Variants in EML4 observed in about 807,000 individuals in gnomAD.
EML4 encodes echinoderm microtubule-associated protein-like 4.
A neutral mutation model predicts 129.0 loss-of-function variants in EML4; 72 were observed. The observed-to-expected ratio is 0.56, with a 90% CI of 0.46 to 0.68. The LOEUF is 0.68. Among genes scored for constraint, EML4 ranks in the 30% least tolerant of loss-of-function variants. The probability of loss-of-function intolerance (pLI) is 0.00; values close to 1 mark genes in which losing one functional copy is unlikely to be tolerated. For synonymous variants in EML4, 532 were observed against 405.0 expected (o/e 1.31, Z -3.77); for missense variants, 1,363 against 1,190.6 (o/e 1.14, Z -2.13).
chr2:42,172,975 A>G (rs918721393), intron 1 of EML4, among the ~76,000 whole-genome samples: 6 of 152,250 alleles, frequency 3.9e-5, no homozygotes, highest in African/African-American at 1.4e-4. Context: ...TCAGCTTTAA[A>G]TTTTTCTGCC....
Position 42,331,019 on chromosome 2 carries a change from A to G in EML4, c.*812A>G. On this transcript the variant is annotated 3_prime_UTR_variant, in exon 23 of 23. Coordinates refer to ENST00000318522, the MANE Select transcript of EML4 (RefSeq NM_019063.5). ...AAACATTCTCAAATGTTTGAGATTC[A>G]AGTGAATGGAAGGAAAACCACATGC... 1 of 213,328 alleles carries G rather than the reference A, an allele frequency of 4.7e-6. No individual in the cohort carries two copies. The highest frequency in any genetic ancestry group is 9.5e-6 in the Non-Finnish European group (1 of 105,098). 13.2% of individuals were successfully genotyped at this position (213,328 alleles called of 1,614,324 possible).
intron 9 of EML4, among the ~76,000 whole-genome samples, chr2:42,285,215 T>A (rs886193284): frequency 5.3e-5 from 8 of 152,150 alleles, no homozygotes; most frequent in African/African-American, 1.7e-4. Flanking sequence ...CCCGGCTAAC[T>A]CTTGATTTTA....
rs889847473 is a variant in EML4 at position 42,330,331 on chromosome 2, G to C, written c.*124G>C. ...TGAGATTTTGGTTTCCATGTGATTTGTTTTCTTCAATAGTCTTATTTTCAG... is the reference window on the plus strand; with the variant it reads ...TGAGATTTTGGTTTCCATGTGATTTCTTTTCTTCAATAGTCTTATTTTCAG... On this transcript the variant is annotated 3_prime_UTR_variant, in exon 23 of 23. Transcript: ENST00000318522. 1.2e-6 allele frequency: 1 copy of C among 852,826 alleles called. No homozygotes were observed. The highest frequency in any genetic ancestry group is 2.6e-5 in the East Asian group (1 of 38,148). 52.8% of individuals were successfully genotyped at this position (852,826 alleles called of 1,614,324 possible). A position where few individuals can be genotyped will look rare whatever the true frequency, so the allele number is the denominator to read the frequency against.
chr2:42,306,581 C>A (rs895409024), intron 17 of EML4, among the ~76,000 whole-genome samples: 1 of 147,424 alleles, frequency 6.8e-6, no homozygotes, highest in African/African-American at 2.5e-5. Flanking sequence ...CAAGTTCCGC[C>A]TCCTGGGTTC....
chr2:42,267,534 A>G (rs1257662219), intron 6 of EML4, among the ~76,000 whole-genome samples: 2 of 152,206 alleles, frequency 1.3e-5, no homozygotes, highest in Admixed American at 6.5e-5. Context: ...TACATATGGT[A>G]CATTTAGGTG....
At chr2:42,283,633 T>C (rs1282425200) in intron 8 of EML4, among the ~76,000 whole-genome samples, 1 of 152,192 alleles carries the variant, frequency 6.6e-6, no homozygotes, top group Non-Finnish European at 1.5e-5. Context: ...CCTGTATCTT[T>C]ATCCAGAAAA....
chr2:42,305,575 A>AT (rs1668553015), intron 17 of EML4, among the ~76,000 whole-genome samples: 1 of 152,236 alleles, frequency 6.6e-6, no homozygotes, highest in East Asian at 1.9e-4. Context: ...ATTTTCTAAA[A>AT]TAATTTAAGA....
intron 6 of EML4, 82 bp downstream of exon 6, chr2:42,264,813 G>T: frequency 1.4e-6 from 2 of 1,388,444 alleles, no homozygotes; most frequent in Non-Finnish European, 2.0e-6. Context: ...TTTTCATCCA[G>T]TGCACTTTAT....
intron 2 of EML4, among the ~76,000 whole-genome samples, chr2:42,253,963 A>G (rs542560299): frequency 6.6e-6 from 1 of 152,366 alleles, no homozygotes; most frequent in East Asian, 1.9e-4. Flanking sequence ...AACTGTTTTG[A>G]AAATAAAAGG....
intron 11 of EML4, among the ~76,000 whole-genome samples, chr2:42,293,022 C>G (rs1207199671): frequency 2.6e-5 from 4 of 152,108 alleles, no homozygotes; most frequent in African/African-American, 7.2e-5. Flanking sequence ...TTTACTTAGA[C>G]TTGCTAAATA....
chr2:42,328,965 C>T lies in EML4; in HGVS notation c.2421C>T (p.Ala807=), dbSNP rs147700887. ...RSHNRKVIAV[A]DDFCKVHLFQ... Reference sequence around the variant, plus strand: ...ACAATAGAAAGGTGATAGCTGTTGCCGATGACTTTTGTAAAGTCCATCTGT... The same window carrying T: ...ACAATAGAAAGGTGATAGCTGTTGCTGATGACTTTTGTAAAGTCCATCTGT... Residue 807 remains alanine, a synonymous_variant, in exon 22 of 23, where the codon GCC becomes GCT. Coordinates refer to ENST00000318522, the MANE Select transcript of EML4 (RefSeq NM_019063.5). The T allele has an allele frequency of 2.7e-3, 4,386 of 1,613,280 alleles. 9 individuals carry two copies. Among genetic ancestry groups the T allele is most frequent in the Non-Finnish European group, 3.4e-3 (4,065 of 1,179,782 alleles).
In EML4 at chr2:42,230,234, C is replaced by T. The variant is rs1674245525; in HGVS notation, c.26-15271C>T. 2.6e-5 allele frequency among the ~76,000 whole-genome samples: 4 copies of T among 152,204 alleles called. 1 individual carries two copies. In the South Asian group the frequency reaches 6.2e-4, roughly 24 times the overall value. On this transcript the variant is annotated intron_variant, in intron 1 of 22. Transcript: ENST00000318522. The stretch of plus-strand genomic sequence containing the variant: ...AGTTATTGCAAAGTGTGATGCTTTG[C>T]AGGTGTAGAGGAAAATGAAAAATAG...
rs192980456 is a variant in EML4 at position 42,199,768 on chromosome 2, G to A, written c.25+30132G>A. ...AGGGTAACCTTTTGGGAGAGTGAGCGGGTAAGCAAGAGAAGGAACCGAAGC... is the reference window on the plus strand; with the variant it reads ...AGGGTAACCTTTTGGGAGAGTGAGCAGGTAAGCAAGAGAAGGAACCGAAGC... On this transcript the variant is annotated intron_variant, in intron 1 of 22. Transcript: ENST00000318522. 7.2e-5 allele frequency among the ~76,000 whole-genome samples: 11 copies of A among 152,258 alleles called. No individual in the cohort carries two copies. In the East Asian group the frequency reaches 7.7e-4, roughly 11 times the overall value.
At chr2:42,267,787 A>T (rs1398186152) in intron 6 of EML4, among the ~76,000 whole-genome samples, 1 of 152,210 alleles carries the variant, frequency 6.6e-6, no homozygotes, top group Non-Finnish European at 1.5e-5. Flanking sequence ...TTATACCCTG[A>T]AACCTAAACT....
chr2:42,269,442 C>G (rs778448556), intron 6 of EML4, among the ~76,000 whole-genome samples: 4 of 152,160 alleles, frequency 2.6e-5, no homozygotes, highest in Non-Finnish European at 5.9e-5. Context: ...CAGACCCTAT[C>G]CTAGGCATTC....
intron 1 of EML4, among the ~76,000 whole-genome samples, chr2:42,198,357 C>G (rs750227158): frequency 2.0e-5 from 3 of 152,152 alleles, no homozygotes; most frequent in Non-Finnish European, 4.4e-5. Flanking sequence ...AGGGGAGACA[C>G]TCTAAAGCAC....
intron 1 of EML4, among the ~76,000 whole-genome samples, chr2:42,170,735 GT>G (rs1252514359): frequency 1.3e-5 from 2 of 152,318 alleles, no homozygotes; most frequent in East Asian, 3.9e-4. Flanking sequence ...TGTATTTTGA[GT>G]TTTTTATGTG....
chr2:42,323,720 G>C (rs1669639534), intron 19 of EML4, among the ~76,000 whole-genome samples: 1 of 151,626 alleles, frequency 6.6e-6, no homozygotes, highest in South Asian at 2.1e-4. Context: ...GATAACTTCA[G>C]GTCAGGAATT....
chr2:42,286,066 A>G (rs1197356712), intron 9 of EML4: 3 of 619,122 alleles, frequency 4.8e-6, no homozygotes, highest in Admixed American at 2.8e-5. Context: ...TAGTAAATAC[A>G]CAAGTTATTT....
Sources: gnomAD v4.1 joint callset for allele counts (sites outside exome capture counted in the v4.1 genomes callset) on GRCh38, gnomAD v4.1.1 for gene constraint, MANE v1.5 for transcripts, NCBI Gene and HGNC (gene_info 2026-07-23, HGNC 2026-07-21) for gene names.